CLIC5: variants seen among roughly 807,000 people sequenced by gnomAD.
CLIC5 encodes CLIC family member 5.
Under a neutral mutation model 24.7 loss-of-function variants are expected in CLIC5, and 20 were observed. The ratio of observed to expected loss-of-function variants is 0.81; its 90% CI spans 0.57 to 1.18. The LOEUF (loss-of-function observed/expected upper bound fraction) is 1.18, where lower values mean the gene tolerates loss of function less well. Among genes scored for constraint, CLIC5 ranks in the 50% most tolerant of loss-of-function variants. The pLI, the probability that CLIC5 is intolerant of heterozygous loss-of-function variation, is 0.00. For synonymous variants in CLIC5, 159 were observed against 135.6 expected (o/e 1.17, Z -1.20); for missense variants, 341 against 326.1 (o/e 1.05, Z -0.35).
chr6:46,055,183 AC>A (rs1400204119), intron 1 of CLIC5, among the ~76,000 whole-genome samples: 1 of 151,996 alleles, frequency 6.6e-6, no homozygotes, highest in Non-Finnish European at 1.5e-5. Flanking sequence ...GCTCACTGAA[AC>A]CTCCGCCTTC....
Position 45,900,505 on chromosome 6 carries a change from C to T in CLIC5, c.*2583G>A, listed in dbSNP as rs904109807. The T allele has an allele frequency of 1.8e-5, 2 of 113,706 alleles. No homozygotes were observed. Among genetic ancestry groups the T allele is most frequent in the African/African-American group, 7.7e-5 (2 of 25,810 alleles). 7.0% of individuals were successfully genotyped at this position (113,706 alleles called of 1,614,324 possible). A position where few individuals can be genotyped will look rare whatever the true frequency, so the allele number is the denominator to read the frequency against. On this transcript the variant is annotated 3_prime_UTR_variant, in exon 6 of 6. Transcript: ENST00000339561. ...GATAAGAAGGCCAGACAGGCTGAAG[C>T]ATCTGGAGAAAGATCTCTTTTGAAA...
upstream of CLIC5, among the ~76,000 whole-genome samples, chr6:46,085,145 C>G (rs1387007287): frequency 2.0e-5 from 3 of 152,222 alleles, no homozygotes; most frequent in Non-Finnish European, 4.4e-5. Context: ...AAGCACTTCT[C>G]TGTATTGGTT....
intron 1 of CLIC5, among the ~76,000 whole-genome samples, chr6:45,998,668 T>C (rs998778424): frequency 3.9e-5 from 6 of 152,168 alleles, no homozygotes; most frequent in African/African-American, 1.4e-4. Flanking sequence ...GGTTGCCAGA[T>C]CTCAGTGCTT....
rs569847538 is a variant in CLIC5, at chr6:45,892,406, TG to T, written c.624-11219del. Among the ~76,000 whole-genome samples the T allele has an allele frequency of 2.8e-3, 430 of 152,310 alleles. 1 individual carries two copies. The highest frequency in any genetic ancestry group is 7.8e-3 in the Admixed American group (120 of 15,310). The stretch of plus-strand genomic sequence containing the variant: ...TTGCACCGGGAGAGGTGAAGTTTTT[TG>T]TGTCATGGCCAAGAATGTTCTAGAG... On this transcript the variant is annotated intron_variant, in intron 6 of 6. Transcript: ENST00000644324.
the CLIC5 span, among the ~76,000 whole-genome samples, chr6:46,125,066 C>T: frequency 3.9e-5 from 6 of 152,282 alleles, no homozygotes; most frequent in East Asian, 9.6e-4. Flanking sequence ...ACCCAGCCAT[C>T]CCATAACTAG....
intron 4 of CLIC5, among the ~76,000 whole-genome samples, chr6:45,925,596 T>A (rs1232241337): frequency 6.6e-6 from 1 of 152,224 alleles, no homozygotes; most frequent in Non-Finnish European, 1.5e-5. Context: ...ATTACAGGCA[T>A]GAGCCGTCGC....
At chr6:45,913,598 G>T (rs1343185054) in intron 5 of CLIC5, among the ~76,000 whole-genome samples, 1 of 152,198 alleles carries the variant, frequency 6.6e-6, no homozygotes, top group Non-Finnish European at 1.5e-5. Flanking sequence ...GTGGGAGATT[G>T]TTTTGGATGA....
chr6:45,992,854 T>C (rs1003585043), intron 1 of CLIC5, among the ~76,000 whole-genome samples: 2 of 152,168 alleles, frequency 1.3e-5, no homozygotes, highest in Non-Finnish European at 2.9e-5. Flanking sequence ...TATGAACCAA[T>C]TTTATTACTT....
intron 2 of CLIC5, 42 bp downstream of exon 2, chr6:45,955,093 C>G: frequency 6.8e-7 from 1 of 1,460,920 alleles, no homozygotes; most frequent in South Asian, 1.2e-5. Context: ...GTTCTCTGTT[C>G]ATGCAGCTAA....
At chr6:45,955,105 C>A in intron 2 of CLIC5, 30 bp downstream of exon 2, 1 of 1,532,752 alleles carries the variant, frequency 6.5e-7, no homozygotes, top group Non-Finnish European at 9.0e-7. Context: ...TGCAGCTAAA[C>A]ATACTCCTCA....
chr6:45,974,522 T>TAGAG (rs58729329), intron 1 of CLIC5, among the ~76,000 whole-genome samples: 79 of 65,992 alleles, frequency 1.2e-3, no homozygotes, highest in African/African-American at 3.0e-3. Context: ...TATATATATA[T>TAGAG]AGAGAGAGAG....
intron 1 of CLIC5, among the ~76,000 whole-genome samples, chr6:46,056,106 C>G (rs1427618856): frequency 6.6e-6 from 1 of 151,914 alleles, no homozygotes; most frequent in South Asian, 2.1e-4. Context: ...ATATTTTTAC[C>G]TCAATGTAAA....
At chr6:46,057,851 G>T (rs1221282201) in intron 1 of CLIC5, among the ~76,000 whole-genome samples, 3 of 152,078 alleles carry the variant, frequency 2.0e-5, no homozygotes, top group Non-Finnish European at 4.4e-5. Context: ...CCAACTCCCT[G>T]CTCTACTGAC....
upstream of CLIC5, among the ~76,000 whole-genome samples, chr6:46,081,951 T>C (rs1200868515): frequency 6.6e-6 from 1 of 152,232 alleles, no homozygotes; most frequent in Non-Finnish European, 1.5e-5. Context: ...TATTTCTCTA[T>C]GAAATAAAAA....
chr6:45,974,878 G>T (rs1384044769), intron 1 of CLIC5, among the ~76,000 whole-genome samples: 2 of 152,132 alleles, frequency 1.3e-5, no homozygotes, highest in Non-Finnish European at 2.9e-5. Flanking sequence ...ACAGCACCAA[G>T]TGGGGCAAAG....
the CLIC5 span, among the ~76,000 whole-genome samples, chr6:46,111,722 T>C: frequency 6.6e-6 from 1 of 152,188 alleles, no homozygotes; most frequent in Admixed American, 6.5e-5. Context: ...GGTGATATGG[T>C]TTGGCTGTGT....
upstream of CLIC5, chr6:46,018,843 A>T (rs1767092371): frequency 6.6e-6 from 1 of 152,224 alleles, no homozygotes; most frequent in Non-Finnish European, 1.5e-5. Context: ...TGTGACATTC[A>T]TATTTTTGTA....
intron 1 of CLIC5, among the ~76,000 whole-genome samples, chr6:46,007,859 G>A (rs1766642548): frequency 2.0e-5 from 3 of 149,588 alleles, no homozygotes. Flanking sequence ...TGGCAGACCT[G>A]GAATCCAGAT....
At position 45,963,676 on chromosome 6, in the gene CLIC5, G is replaced by T. The variant is rs562297161; in HGVS notation, c.64-8432C>A. Reference sequence around the variant, plus strand: ...TTAAAAAAAAAAAGTAGAAAGGAAAGTCAGAGAAGGAAAGAAAACAAGGGA... The same window carrying T: ...TTAAAAAAAAAAAGTAGAAAGGAAATTCAGAGAAGGAAAGAAAACAAGGGA... On this transcript the variant is annotated intron_variant, in intron 1 of 5. Coordinates refer to ENST00000339561, the MANE Select transcript of CLIC5 (RefSeq NM_016929.5). Among the ~76,000 whole-genome samples the T allele has an allele frequency of 7.7e-4, 117 of 151,996 alleles. No homozygotes were observed. In the South Asian group the frequency reaches 0.013, roughly 17 times the overall value.
Sources: allele counts gnomAD v4.1 joint callset (sites outside exome capture counted in the v4.1 genomes callset), GRCh38; gene constraint gnomAD v4.1.1; transcripts MANE v1.5; gene names NCBI Gene and HGNC (gene_info 2026-07-23, HGNC 2026-07-21).